PALM2AKAP2: variants seen among roughly 807,000 people sequenced by gnomAD.
PALM2AKAP2 encodes the protein PALM2-AKAP2 fusion protein.
Under a neutral mutation model 71.5 loss-of-function variants are expected in PALM2AKAP2, and 37 were observed. The ratio of observed to expected loss-of-function variants is 0.52; its 90% CI spans 0.40 to 0.68. The LOEUF is 0.68. PALM2AKAP2 is among the 30% of genes least tolerant of loss of function. PALM2AKAP2 has a pLI of 0.00. For missense variants in PALM2AKAP2, 1,224 were observed against 1,191.8 expected, an observed-to-expected ratio of 1.03 and a Z score of -0.40; for synonymous variants, 468 against 478.8, an observed-to-expected ratio of 0.98 and a Z score of 0.29.
At chr9:109,936,172 T>A (rs1018214697) in intron 6 of PALM2AKAP2, among the ~76,000 whole-genome samples, 8 of 152,108 alleles carry the variant, frequency 5.3e-5, no homozygotes, top group African/African-American at 1.9e-4. Flanking sequence ...TGTATAATGA[T>A]CAAAAAAGGG....
At chr9:109,945,675 G>A (rs139283281) in intron 6 of PALM2AKAP2, 14 of 152,336 alleles carry the variant, frequency 9.2e-5, no homozygotes, top group African/African-American at 3.4e-4. Context: ...GCTATTCAAT[G>A]TGAGTTTTAA....
chr9:109,944,922 A>G (rs1389239260), intron 6 of PALM2AKAP2: 1 of 152,200 alleles, frequency 6.6e-6, no homozygotes, highest in Non-Finnish European at 1.5e-5. Context: ...CATTTATAGC[A>G]TTGTTATGAA....
chr9:110,126,393 T>C (rs953637503), intron 1 of PALM2AKAP2, among the ~76,000 whole-genome samples: 1 of 152,214 alleles, frequency 6.6e-6, no homozygotes, highest in Non-Finnish European at 1.5e-5. Flanking sequence ...ACTGAAAAAC[T>C]AGGCTTGCTT....
chr9:109,763,217 C>T (rs1829087855), intron 1 of PALM2AKAP2, among the ~76,000 whole-genome samples: 1 of 152,086 alleles, frequency 6.6e-6, no homozygotes, highest in African/African-American at 2.4e-5. Context: ...GCGGAGGGAC[C>T]ACAAAAGCCT....
At chr9:110,117,456 T>C (rs973539621) in intron 1 of PALM2AKAP2, among the ~76,000 whole-genome samples, 1 of 152,196 alleles carries the variant, frequency 6.6e-6, no homozygotes, top group Admixed American at 6.5e-5. Context: ...ATAAAAACCA[T>C]GGACTCCACT....
intron 1 of PALM2AKAP2, among the ~76,000 whole-genome samples, chr9:109,812,191 G>A (rs1478173315): frequency 6.6e-6 from 1 of 152,250 alleles, no homozygotes; most frequent in Non-Finnish European, 1.5e-5. Flanking sequence ...ATTGGCAGGA[G>A]TTGGGGACAT....
intron 1 of PALM2AKAP2, among the ~76,000 whole-genome samples, chr9:109,814,780 A>G (rs78857790): frequency 0.048 from 7,360 of 152,344 alleles, 295 homozygotes; most frequent in South Asian, 0.09. Context: ...ATTAAGCTAT[A>G]TCATTGCATA....
At chr9:110,096,162 C>T (rs749550175) in intron 1 of PALM2AKAP2, among the ~76,000 whole-genome samples, 2 of 152,200 alleles carry the variant, frequency 1.3e-5, no homozygotes, top group African/African-American at 4.8e-5. Context: ...GTCCAAAGGC[C>T]TCTGGCTCTG....
intron 1 of PALM2AKAP2, among the ~76,000 whole-genome samples, chr9:110,057,723 A>C (rs1408344048): frequency 6.6e-6 from 1 of 152,126 alleles, no homozygotes; most frequent in Non-Finnish European, 1.5e-5. Context: ...TTGCTACTCC[A>C]AGTGTGGTCT....
At chr9:110,044,344 CTTT>C (rs57314430), upstream of PALM2AKAP2, among the ~76,000 whole-genome samples, 48 of 80,144 alleles carry the variant, frequency 6.0e-4, no homozygotes, top group Non-Finnish European at 9.7e-4. Flanking sequence ...TTCTTTCTTT[CTTT>C]TTTTTTTTTT....
chr9:109,646,241 G>T (rs1587852663), intron 1 of PALM2AKAP2, among the ~76,000 whole-genome samples: 1 of 152,136 alleles, frequency 6.6e-6, no homozygotes, highest in East Asian at 1.9e-4. Context: ...TGGGTGGGTT[G>T]GGTATGAGAT....
At chr9:110,025,092 A>G in intron 7 of PALM2AKAP2, 1 of 1,113,362 alleles carries the variant, frequency 9.0e-7, no homozygotes, top group Non-Finnish European at 1.4e-6. Flanking sequence ...CAATATGCAC[A>G]TTAATTCTCT....
Position 109,789,891 on chromosome 9 carries a change from A to G in PALM2AKAP2, c.45+9358A>G, listed in dbSNP as rs141063778. On this transcript the variant is annotated intron_variant, in intron 1 of 9. Transcript: ENST00000302798. The stretch of plus-strand genomic sequence containing the variant: ...AAAATGCTCAAAAGGAGATTATTAA[A>G]TACACACAGAAAGGGAGACAGACTG... 3.3e-4 allele frequency among the ~76,000 whole-genome samples: 51 copies of G among 152,324 alleles called. No individual in the cohort carries two copies. The East Asian group carries it at 6.9e-3, about 21-fold the overall frequency.
chr9:110,088,400 T>C (rs1834620240), intron 1 of PALM2AKAP2, among the ~76,000 whole-genome samples: 1 of 152,176 alleles, frequency 6.6e-6, no homozygotes. Flanking sequence ...TCTATGCAAA[T>C]GAAGATTTGG....
chr9:110,104,907 A>C (rs1176879815), intron 1 of PALM2AKAP2, among the ~76,000 whole-genome samples: 1 of 152,238 alleles, frequency 6.6e-6, no homozygotes, highest in Non-Finnish European at 1.5e-5. Flanking sequence ...GGTGTGTCAT[A>C]TGCATCCAGA....
intron 1 of PALM2AKAP2, among the ~76,000 whole-genome samples, chr9:109,691,748 T>G (rs1161030949): frequency 6.7e-6 from 1 of 148,782 alleles, no homozygotes; most frequent in Admixed American, 6.8e-5. Flanking sequence ...CACCCATGCT[T>G]ATATTCAAAT....
intron 6 of PALM2AKAP2, among the ~76,000 whole-genome samples, chr9:109,937,265 C>T (rs939064098): frequency 1.3e-5 from 2 of 152,120 alleles, no homozygotes; most frequent in African/African-American, 4.8e-5. Context: ...TGGGCACCTT[C>T]CCCAGAGGCC....
upstream of PALM2AKAP2, among the ~76,000 whole-genome samples, chr9:110,046,945 ATAAG>A: frequency 6.6e-6 from 1 of 152,332 alleles, no homozygotes; most frequent in East Asian, 1.9e-4. Flanking sequence ...ATATAAATAA[ATAAG>A]TGATATCCAA....
intron 1 of PALM2AKAP2, among the ~76,000 whole-genome samples, chr9:110,098,556 A>G (rs891078663): frequency 7.2e-5 from 11 of 152,262 alleles, no homozygotes; most frequent in African/African-American, 2.7e-4. Context: ...TGTGCTGGAC[A>G]CAGCTCTTTT....
Sources: allele counts gnomAD v4.1 joint callset (sites outside exome capture counted in the v4.1 genomes callset), GRCh38; gene constraint gnomAD v4.1.1; transcripts MANE v1.5; gene names NCBI Gene and HGNC (gene_info 2026-07-23, HGNC 2026-07-21).